TRPV1: variants seen among roughly 807,000 people sequenced by gnomAD.
TRPV1 encodes the protein OTRPC1.
In TRPV1, 82 loss-of-function variants were observed where a neutral mutation model predicts 82.3. The ratio of observed to expected loss-of-function variants is 1.00; its 90% CI spans 0.83 to 1.20. TRPV1 has a LOEUF of 1.20. TRPV1 is among the 50% of genes most tolerant of loss of function. The pLI is 0.00. For missense variants in TRPV1, 1,067 were observed against 1,096.8 expected, an observed-to-expected ratio of 0.97 and a Z score of 0.38; for synonymous variants, 515 against 467.7, an observed-to-expected ratio of 1.10 and a Z score of -1.30.
At chr17:3,607,938 G>A (rs932382409) in intron 2 of TRPV1, among the ~76,000 whole-genome samples, 2 of 152,120 alleles carry the variant, frequency 1.3e-5, no homozygotes, top group African/African-American at 4.8e-5. Context: ...CATGAGGCTG[G>A]GGTCAGTGGC....
At chr17:3,573,551 C>CCCCCCCCCCCCCCCGT in intron 14 of TRPV1, 82 bp downstream of exon 14, 1 of 635,234 alleles carries the variant, frequency 1.6e-6, no homozygotes. Flanking sequence ...ACCCACCCAC[C>CCCCCCCCCCCCCCCGT]TGCAGCCAGC....
In TRPV1 at chr17:3,573,623, A is replaced by G; in HGVS notation, c.2103+10T>C. 1 of 1,427,350 alleles carries G rather than the reference A, an allele frequency of 7.0e-7. No individual in the cohort carries two copies. The highest frequency in any genetic ancestry group is 9.4e-7 in the Non-Finnish European group (1 of 1,067,948). 88.4% of individuals were successfully genotyped at this position (1,427,350 alleles called of 1,614,324 possible). On this transcript the variant is annotated intron_variant, in intron 14 of 16. Transcript: ENST00000572705. ...GCGCCACTCACCACCCCCCAACTCC[A>G]CCCACCCACCTGCAGCTTCCAGATG...
intron 2 of TRPV1, chr17:3,596,982 A>G (rs1325363932): frequency 1.3e-5 from 2 of 152,306 alleles, no homozygotes; most frequent in African/African-American, 4.8e-5. Flanking sequence ...TTGCTACTCG[A>G]AGGGAGAGCT....
intron 16 of TRPV1, among the ~76,000 whole-genome samples, chr17:3,570,906 G>A (rs1197514382): frequency 2.6e-5 from 4 of 152,016 alleles, no homozygotes; most frequent in Non-Finnish European, 4.4e-5. Flanking sequence ...TAGTAGAGAT[G>A]GGGTTTCACG....
chr17:3,603,379 AGAGGGAC>A (rs1290747818), intron 2 of TRPV1, among the ~76,000 whole-genome samples: 1 of 152,144 alleles, frequency 6.6e-6, no homozygotes, highest in East Asian at 1.9e-4. Flanking sequence ...ACTGGGAACA[AGAGGGAC>A]GAGGGCCAAT....
At chr17:3,595,931 G>A (rs2075215759) in intron 2 of TRPV1, 1 of 152,278 alleles carries the variant, frequency 6.6e-6, no homozygotes, top group Non-Finnish European at 1.5e-5. Flanking sequence ...ACAGGGTCAG[G>A]ACAGCCCTCC....
rs765420547 is a variant in TRPV1, at chr17:3,591,248, C to T, written c.390G>A (p.Leu130=). 6.8e-6 allele frequency: 11 copies of T among 1,613,184 alleles called. No individual in the cohort carries two copies. The highest frequency in any genetic ancestry group is 2.7e-5 in the African/African-American group (2 of 74,870). Residue 130 remains leucine (L), a synonymous_variant, in exon 4 of 17, where the codon CTG becomes CTA. Transcript: ENST00000572705. The part of the protein sequence containing the change: ...EAVAQNNCQD[L]ESLLLFLQKS... ...TCTGCAGGAAGAGCAGCAGGCTCTCCAGATCCTGGCAGTTATTCTGAGCAA... is the reference window on the plus strand; with the variant it reads ...TCTGCAGGAAGAGCAGCAGGCTCTCTAGATCCTGGCAGTTATTCTGAGCAA...
At chr17:3,570,323 T>C (rs1236282914) in intron 16 of TRPV1, among the ~76,000 whole-genome samples, 1 of 147,696 alleles carries the variant, frequency 6.8e-6, no homozygotes, top group Non-Finnish European at 1.5e-5. Flanking sequence ...TAAACCCAGA[T>C]CACGCCACTG....
At chr17:3,595,266 G>A (rs548166615) in intron 2 of TRPV1, among the ~76,000 whole-genome samples, 1 of 152,164 alleles carries the variant, frequency 6.6e-6, no homozygotes, top group African/African-American at 2.4e-5. Context: ...CCGATGAGGA[G>A]ACCGAGGCAC....
At chr17:3,576,430 A>T (rs1219787376) in intron 13 of TRPV1, among the ~76,000 whole-genome samples, 2 of 151,902 alleles carry the variant, frequency 1.3e-5, no homozygotes, top group Non-Finnish European at 2.9e-5. Flanking sequence ...AGGCAGGCGG[A>T]TCACGAGGTC....
intron 14 of TRPV1, 126 bp from the exon 15 acceptor site, chr17:3,572,375 A>G (rs1185358042): frequency 1.7e-6 from 2 of 1,179,334 alleles, no homozygotes; most frequent in Non-Finnish European, 2.4e-6. Context: ...GTGGTTGTCC[A>G]GTGCCCTCCA....
At chr17:3,604,773 C>G (rs1484508202) in intron 2 of TRPV1, among the ~76,000 whole-genome samples, 1 of 152,078 alleles carries the variant, frequency 6.6e-6, no homozygotes, top group African/African-American at 2.4e-5. Context: ...CTGCCCTGAA[C>G]TGGGTCTGGC....
At chr17:3,579,756 G>A (rs968427086) in intron 11 of TRPV1, among the ~76,000 whole-genome samples, 5 of 152,182 alleles carry the variant, frequency 3.3e-5, no homozygotes, top group Non-Finnish European at 7.3e-5. Flanking sequence ...GATTACAGGC[G>A]TGAGCCACTG....
chr17:3,592,699 A>C (rs2150850861), intron 2 of TRPV1: 1 of 252,922 alleles, frequency 4.0e-6, no homozygotes, highest in East Asian at 9.0e-5. Flanking sequence ...TCTGGGCCTC[A>C]GGTGCCTCCT....
At chr17:3,582,540 T>C (rs2075034316) in intron 10 of TRPV1, among the ~76,000 whole-genome samples, 1 of 151,982 alleles carries the variant, frequency 6.6e-6, no homozygotes, top group African/African-American at 2.4e-5. Context: ...TAAATATGGT[T>C]TTTGCAAGAA....
At chr17:3,608,745 C>T (rs1287341695) in intron 1 of TRPV1, 180 bp from the exon 2 acceptor site, 1 of 152,144 alleles carries the variant, frequency 6.6e-6, no homozygotes, top group Non-Finnish European at 1.5e-5. Context: ...TGGTAGAACA[C>T]CAGGGCAAGG....
intron 2 of TRPV1, among the ~76,000 whole-genome samples, chr17:3,593,837 T>C (rs892001630): frequency 6.6e-6 from 1 of 152,134 alleles, no homozygotes; most frequent in Admixed American, 6.5e-5. Context: ...ATGAAGAAGC[T>C]GTACTGGCCT....
intron 13 of TRPV1, among the ~76,000 whole-genome samples, chr17:3,576,275 T>A (rs28767203): frequency 0.31 from 46,799 of 151,636 alleles, 8,250 homozygotes; most frequent in East Asian, 0.53. Flanking sequence ...CCCAGCACTT[T>A]GGGAGGCCAA....
At chr17:3,582,061 G>A (rs1185520332) in intron 10 of TRPV1, among the ~76,000 whole-genome samples, 9 of 146,718 alleles carry the variant, frequency 6.1e-5, no homozygotes, top group African/African-American at 1.7e-4. Context: ...GTGGTGGCGG[G>A]TGCCTGTAGT....
Sources: gnomAD v4.1 joint callset for allele counts (sites outside exome capture counted in the v4.1 genomes callset) on GRCh38, gnomAD v4.1.1 for gene constraint, MANE v1.5 for transcripts, NCBI Gene and HGNC (gene_info 2026-07-23, HGNC 2026-07-21) for gene names.